MRPS6: variants seen among roughly 807,000 people sequenced by gnomAD.
MRPS6 encodes mitochondrial ribosomal protein S6.
MRPS6 carries 6 observed loss-of-function variants against 13.1 expected under a neutral mutation model. That is an observed-to-expected ratio of 0.46 (90% CI 0.25 to 0.91). The LOEUF is 0.91. Among genes scored for constraint, MRPS6 ranks in the 40% least tolerant of loss-of-function variants. The pLI is 0.18. For synonymous variants in MRPS6, 61 were observed against 56.5 expected (o/e 1.08, Z -0.36); for missense variants, 164 against 155.6 (o/e 1.05, Z -0.29).
intron 1 of MRPS6, chr21:34,104,818 C>G (rs1419876477): frequency 8.0e-6 from 8 of 999,922 alleles, no homozygotes; most frequent in Non-Finnish European, 9.6e-6. Context: ...ACTATGTGTT[C>G]TGTACCTTTA....
chr21:34,113,005 A>C (rs1267811829), intron 1 of MRPS6, among the ~76,000 whole-genome samples: 1 of 152,016 alleles, frequency 6.6e-6, no homozygotes, highest in African/African-American at 2.4e-5. Flanking sequence ...AAAAACAAAC[A>C]AATGAACAAC....
intron 2 of MRPS6, among the ~76,000 whole-genome samples, chr21:34,129,279 C>G (rs1286664904): frequency 1.3e-5 from 2 of 152,092 alleles, no homozygotes; most frequent in African/African-American, 2.4e-5. Flanking sequence ...GGTTCTCTTT[C>G]CACTAGATGG....
intron 1 of MRPS6, among the ~76,000 whole-genome samples, chr21:34,121,382 T>C (rs1009541786): frequency 1.3e-5 from 2 of 152,166 alleles, no homozygotes; most frequent in African/African-American, 4.8e-5. Flanking sequence ...AGTTTAAAAT[T>C]GATAAATTTT....
intron 1 of MRPS6, among the ~76,000 whole-genome samples, chr21:34,078,430 T>TA (rs1451536734): frequency 6.6e-6 from 1 of 152,106 alleles, no homozygotes; most frequent in Non-Finnish European, 1.5e-5. Flanking sequence ...CCTCACCAGA[T>TA]ATGGTTTGTA....
chr21:34,115,932 T>C (rs1979881748), intron 1 of MRPS6, among the ~76,000 whole-genome samples: 2 of 152,092 alleles, frequency 1.3e-5, no homozygotes, highest in African/African-American at 4.8e-5. Flanking sequence ...TTTTTTTTTT[T>C]TGGAAGATAC....
intron 2 of MRPS6, among the ~76,000 whole-genome samples, chr21:34,139,185 G>T (rs1355346581): frequency 8.8e-6 from 1 of 113,388 alleles, no homozygotes; most frequent in African/African-American, 3.5e-5. Context: ...GGGGACTGTT[G>T]TGGGGTGGGG....
intron 1 of MRPS6, among the ~76,000 whole-genome samples, chr21:34,113,526 A>G (rs974889792): frequency 2.6e-5 from 4 of 152,322 alleles, no homozygotes; most frequent in South Asian, 4.1e-4. Flanking sequence ...ATCTTGATGC[A>G]TGTTTTTATT....
chr21:34,103,867 G>A (rs1463455997), intron 1 of MRPS6: 9 of 1,000,120 alleles, frequency 9.0e-6, no homozygotes, highest in Non-Finnish European at 1.1e-5. Flanking sequence ...TGGGGTTTGA[G>A]GGCTTTTTAC....
chr21:34,136,433 C>T (rs1169652555), intron 2 of MRPS6, among the ~76,000 whole-genome samples: 2 of 152,216 alleles, frequency 1.3e-5, no homozygotes, highest in Non-Finnish European at 2.9e-5. Context: ...CAGGCGTGAG[C>T]CACCACATCC....
intron 1 of MRPS6, among the ~76,000 whole-genome samples, chr21:34,076,321 G>T (rs946140672): frequency 3.9e-5 from 6 of 152,028 alleles, no homozygotes; most frequent in Admixed American, 6.6e-5. Context: ...AATTGAGCTT[G>T]CAAAGTTTTA....
chr21:34,091,853 GA>G (rs1434165405), intron 1 of MRPS6, among the ~76,000 whole-genome samples: 1 of 152,084 alleles, frequency 6.6e-6, no homozygotes, highest in Non-Finnish European at 1.5e-5. Flanking sequence ...TCCCATTACA[GA>G]AGCTTTTTAA....
intron 1 of MRPS6, among the ~76,000 whole-genome samples, chr21:34,074,430 C>A (rs532032033): frequency 6.6e-6 from 1 of 152,338 alleles, no homozygotes; most frequent in African/African-American, 2.4e-5. Context: ...GCCTTTCTTG[C>A]GCCTCCAGAA....
chr21:34,079,444 C>T (rs1989408999), intron 1 of MRPS6, among the ~76,000 whole-genome samples: 1 of 150,006 alleles, frequency 6.7e-6, no homozygotes, highest in Non-Finnish European at 1.5e-5. Context: ...CTTCTTCTTT[C>T]TGTTTTTTTG....
At chr21:34,075,140 G>A (rs1448331180) in intron 1 of MRPS6, among the ~76,000 whole-genome samples, 1 of 152,248 alleles carries the variant, frequency 6.6e-6, no homozygotes, top group Non-Finnish European at 1.5e-5. Flanking sequence ...TTAGGTGGAA[G>A]TTGTTTAAGC....
rs144758111 is a variant in MRPS6 at position 34,086,135 on chromosome 21, T to C, written c.45+12390T>C. ...CTTTCCGGATTTGGCTGGTCACTTA[T>C]GCTGTTTATATATATTCTTCTATTC... On this transcript the variant is annotated intron_variant, in intron 1 of 2. Coordinates refer to ENST00000399312, the MANE Select transcript of MRPS6 (RefSeq NM_032476.4). 4.6e-5 allele frequency among the ~76,000 whole-genome samples: 7 copies of C among 152,344 alleles called. No homozygotes were observed. The East Asian group carries it at 7.7e-4, about 17-fold the overall frequency.
Position 34,102,680 on chromosome 21 carries a change from ATAAAG to A in MRPS6, c.46-22657_46-22653del, listed in dbSNP as rs1183691892. 9 of 1,000,102 alleles carry A rather than the reference ATAAAG, an allele frequency of 9.0e-6. No homozygotes were observed. The South Asian group carries it at 2.3e-4, about 26-fold the overall frequency. The allele number at this position is 1,000,102 out of a possible 1,614,324, so 62.0% of individuals were successfully genotyped here. A position where few individuals can be genotyped will look rare whatever the true frequency, so the allele number is the denominator to read the frequency against. ...TTGCTTGAAGAGAAAGGATGCTAGA[ATAAAG>A]TAAGCAGCTGAAGAGCGAGCAAATC... On this transcript the variant is annotated intron_variant, in intron 1 of 2. Coordinates refer to ENST00000399312, the MANE Select transcript of MRPS6 (RefSeq NM_032476.4).
chr21:34,094,237 G>A (rs975248324), intron 1 of MRPS6, among the ~76,000 whole-genome samples: 4 of 152,090 alleles, frequency 2.6e-5, no homozygotes, highest in African/African-American at 9.7e-5. Flanking sequence ...AGGGCAGGGG[G>A]CGTCTCACAA....
At chr21:34,140,867 C>A (rs1255318099) in intron 2 of MRPS6, among the ~76,000 whole-genome samples, 1 of 152,034 alleles carries the variant, frequency 6.6e-6, no homozygotes, top group Non-Finnish European at 1.5e-5. Flanking sequence ...GCCACTTGAG[C>A]TTGCTTTTGA....
At chr21:34,135,666 G>T in intron 2 of MRPS6, 1 of 380,792 alleles carries the variant, frequency 2.6e-6, no homozygotes. Context: ...CTCACCCAAA[G>T]CCTGTGGAGT....
Sources: gnomAD v4.1 joint callset for allele counts (sites outside exome capture counted in the v4.1 genomes callset) on GRCh38, gnomAD v4.1.1 for gene constraint, MANE v1.5 for transcripts, NCBI Gene and HGNC (gene_info 2026-07-23, HGNC 2026-07-21) for gene names.